Variants in CCDC7 observed in about 807,000 individuals in gnomAD.
The protein encoded by CCDC7 is coiled-coil domain containing 7.
Under a neutral mutation model 196.9 loss-of-function variants are expected in CCDC7, and 183 were observed. The ratio of observed to expected loss-of-function variants is 0.93; its 90% CI spans 0.82 to 1.05. The LOEUF (loss-of-function observed/expected upper bound fraction) is 1.05, where lower values mean the gene tolerates loss of function less well. Among genes scored for constraint, CCDC7 ranks in the 50% least tolerant of loss-of-function variants. The pLI is 0.00. For missense variants in CCDC7, 1,540 were observed against 1,482.2 expected (o/e 1.04, Z -0.64); for synonymous variants, 525 against 484.6 (o/e 1.08, Z -1.10).
chr10:32,581,583 C>T (rs1030651809), intron 16 of CCDC7, among the ~76,000 whole-genome samples: 1 of 152,126 alleles, frequency 6.6e-6, no homozygotes, highest in Non-Finnish European at 1.5e-5. Context: ...TTATTCCTGA[C>T]CCCCTCAGTG....
intron 29 of CCDC7, among the ~76,000 whole-genome samples, chr10:32,801,612 T>C (rs1482174969): frequency 6.6e-6 from 1 of 152,152 alleles, no homozygotes; most frequent in Non-Finnish European, 1.5e-5. Flanking sequence ...CACCTCCATG[T>C]GGGTTACACT....
At chr10:32,789,770 A>T (rs1349512024) in intron 29 of CCDC7, among the ~76,000 whole-genome samples, 1 of 152,160 alleles carries the variant, frequency 6.6e-6, no homozygotes, top group East Asian at 1.9e-4. Flanking sequence ...TGGGTTTATT[A>T]TAAAAGGGGA....
intron 23 of CCDC7, among the ~76,000 whole-genome samples, chr10:32,692,286 C>T (rs2077176066): frequency 6.6e-6 from 1 of 152,210 alleles, no homozygotes; most frequent in Non-Finnish European, 1.5e-5. Flanking sequence ...CACAAAATTG[C>T]TTCCCTAGCT....
At chr10:32,613,916 C>G (rs916487234) in intron 18 of CCDC7, among the ~76,000 whole-genome samples, 1 of 151,952 alleles carries the variant, frequency 6.6e-6, no homozygotes, top group Non-Finnish European at 1.5e-5. Flanking sequence ...AGGTCTGCTT[C>G]TGTAGATGTT....
intron 28 of CCDC7, among the ~76,000 whole-genome samples, chr10:32,758,529 C>T (rs1303575966): frequency 6.6e-6 from 1 of 152,072 alleles, no homozygotes; most frequent in Non-Finnish European, 1.5e-5. Flanking sequence ...ATGGAAAAGG[C>T]CTTTGACAAA....
chr10:32,506,489 A>G lies in CCDC7; in HGVS notation c.873-11456A>G, dbSNP rs569438814. On this transcript the variant is annotated intron_variant, in intron 9 of 41. Transcript: ENST00000639629. ...GAAGCTGTAATCTTAGCACTTTGGG[A>G]GGCCAAGGCAGGTGGCTGGGAGGTG... 7.2e-5 allele frequency among the ~76,000 whole-genome samples: 11 copies of G among 152,348 alleles called. 1 individual carries two copies. In the South Asian group the frequency reaches 2.3e-3, roughly 32 times the overall value.
At chr10:32,720,096 TG>T (rs2082177645) in intron 25 of CCDC7, among the ~76,000 whole-genome samples, 1 of 152,184 alleles carries the variant, frequency 6.6e-6, no homozygotes, top group Admixed American at 6.5e-5. Context: ...TGCACACGTA[TG>T]TTTATTGCAG....
At chr10:32,870,929 A>G (rs1409326199) in intron 41 of CCDC7, among the ~76,000 whole-genome samples, 2 of 152,224 alleles carry the variant, frequency 1.3e-5, no homozygotes, top group East Asian at 1.9e-4. Context: ...CCAGCCTTGC[A>G]TCCCAGGGAT....
intron 11 of CCDC7, among the ~76,000 whole-genome samples, chr10:32,541,435 G>A (rs1218914791): frequency 6.6e-6 from 1 of 152,072 alleles, no homozygotes; most frequent in East Asian, 1.9e-4. Flanking sequence ...GAAAACAGGT[G>A]GCTACACCCT....
At chr10:32,594,894 TGAAGC>T (rs1397941654) in intron 18 of CCDC7, among the ~76,000 whole-genome samples, 2 of 152,240 alleles carry the variant, frequency 1.3e-5, no homozygotes, top group Non-Finnish European at 2.9e-5. Flanking sequence ...ATCCCAGGGA[TGAAGC>T]CAACTTGATC....
At chr10:32,615,847 A>T in intron 18 of CCDC7, among the ~76,000 whole-genome samples, 1 of 152,096 alleles carries the variant, frequency 6.6e-6, no homozygotes, top group East Asian at 1.9e-4. Context: ...TAATTTTTGT[A>T]TATGGTGAGA....
At chr10:32,497,035 T>C (rs1429130396) in intron 9 of CCDC7, among the ~76,000 whole-genome samples, 1 of 152,214 alleles carries the variant, frequency 6.6e-6, no homozygotes, top group Non-Finnish European at 1.5e-5. Flanking sequence ...CTTTTTTTGG[T>C]TGGCAGGCTA....
In CCDC7 at chr10:32,724,014, CT is replaced by C. The variant is rs997105276; in HGVS notation, c.2570-2719del. On this transcript the variant is annotated intron_variant, in intron 25 of 41. Transcript: ENST00000639629. Reference sequence around the variant, plus strand: ...TGCTTCCCCAGCTTTCCTAGAGTCTCTCTTTTGGATTTATAATTTAACCCAC... The same window carrying C: ...TGCTTCCCCAGCTTTCCTAGAGTCTCCTTTTGGATTTATAATTTAACCCAC... Among the ~76,000 whole-genome samples the C allele has an allele frequency of 2.6e-4, 40 of 151,996 alleles. 1 individual carries two copies. Among genetic ancestry groups the C allele is most frequent in the African/African-American group, 9.4e-4 (39 of 41,476 alleles).
At chr10:32,590,793 A>G (rs1465123878) in intron 18 of CCDC7, among the ~76,000 whole-genome samples, 1 of 152,116 alleles carries the variant, frequency 6.6e-6, no homozygotes, top group Non-Finnish European at 1.5e-5. Flanking sequence ...AGCTCTTTAA[A>G]TATGTCCTAC....
chr10:32,558,245 A>G (rs887282102), intron 13 of CCDC7, among the ~76,000 whole-genome samples: 1 of 152,110 alleles, frequency 6.6e-6, no homozygotes, highest in African/African-American at 2.4e-5. Context: ...TTGAAACCCT[A>G]GATTGTGTTA....
At chr10:32,627,544 A>G (rs1000945589) in intron 18 of CCDC7, among the ~76,000 whole-genome samples, 1 of 151,932 alleles carries the variant, frequency 6.6e-6, no homozygotes, top group Non-Finnish European at 1.5e-5. Context: ...TTCCAGTACT[A>G]ATACTGAATA....
intron 20 of CCDC7, among the ~76,000 whole-genome samples, chr10:32,661,405 T>G (rs1591278481): frequency 6.6e-6 from 1 of 151,916 alleles, no homozygotes; most frequent in South Asian, 2.1e-4. Flanking sequence ...ATTGTGGAAG[T>G]CAGTGTGGCA....
chr10:32,745,226 A>T (rs1274345335), intron 28 of CCDC7, among the ~76,000 whole-genome samples: 1 of 152,188 alleles, frequency 6.6e-6, no homozygotes, highest in Non-Finnish European at 1.5e-5. Context: ...TGTAGCTAAT[A>T]ATAAGTCAGT....
At chr10:32,608,171 T>G (rs1488599486) in intron 18 of CCDC7, among the ~76,000 whole-genome samples, 1 of 152,170 alleles carries the variant, frequency 6.6e-6, no homozygotes. Context: ...TTTTCATTTC[T>G]GATTTCATTT....
Sources: gnomAD v4.1 joint callset for allele counts (sites outside exome capture counted in the v4.1 genomes callset) on GRCh38, gnomAD v4.1.1 for gene constraint, MANE v1.5 for transcripts, NCBI Gene and HGNC (gene_info 2026-07-23, HGNC 2026-07-21) for gene names.